Variants in COL5A1 observed in about 807,000 individuals in gnomAD.
COL5A1 encodes collagen type V alpha 1 chain, also known as collagen alpha-1(V) chain.
In COL5A1, 16 loss-of-function variants were observed where a neutral mutation model predicts 263.7. The ratio of observed to expected loss-of-function variants is 0.06; its 90% CI spans 0.04 to 0.09. The LOEUF is 0.09. COL5A1 is among the 10% of genes least tolerant of loss of function. The probability of loss-of-function intolerance (pLI) is 1.00; values close to 1 mark genes in which losing one functional copy is unlikely to be tolerated. For synonymous variants in COL5A1, 1,012 were observed against 1,004.5 expected (o/e 1.01, Z -0.14); for missense variants, 2,036 against 2,540.5 (o/e 0.80, Z 4.27).
intron 19 of COL5A1, among the ~76,000 whole-genome samples, chr9:134,762,695 G>A (rs1431168745): frequency 6.6e-6 from 1 of 152,178 alleles, no homozygotes; most frequent in East Asian, 1.9e-4. Context: ...AAAGCTTTAA[G>A]GAGCTCTGGA....
chr9:134,705,711 G>A (rs1056715964), intron 4 of COL5A1, among the ~76,000 whole-genome samples: 22 of 152,180 alleles, frequency 1.4e-4, no homozygotes, highest in African/African-American at 5.3e-4. Flanking sequence ...GCTGCTCTCT[G>A]GCCCATTGTC....
intron 4 of COL5A1, 106 bp downstream of exon 4, chr9:134,701,439 G>T: frequency 9.3e-7 from 1 of 1,076,210 alleles, no homozygotes; most frequent in Non-Finnish European, 1.4e-6. Flanking sequence ...CCGGCTGGCG[G>T]TCCACTGTGG....
At chr9:134,787,540 C>T (rs1409760609) in intron 31 of COL5A1, among the ~76,000 whole-genome samples, 2 of 152,208 alleles carry the variant, frequency 1.3e-5, no homozygotes, top group Non-Finnish European at 2.9e-5. Flanking sequence ...AGCTGAGCGA[C>T]CTCACTGCGG....
At chr9:134,803,990 C>A (rs1838205045) in intron 39 of COL5A1, among the ~76,000 whole-genome samples, 1 of 152,166 alleles carries the variant, frequency 6.6e-6, no homozygotes, top group Non-Finnish European at 1.5e-5. Flanking sequence ...GGTTCACTGG[C>A]CATAACTTGC....
intron 11 of COL5A1, among the ~76,000 whole-genome samples, chr9:134,740,939 G>A (rs903804912): frequency 2.6e-5 from 4 of 152,164 alleles, no homozygotes; most frequent in African/African-American, 9.7e-5. Context: ...GCCATCCGTG[G>A]AGTCAGAGGA....
At position 134,705,828 on chromosome 9, in the gene COL5A1, A is replaced by G. The variant is rs1027850546; in HGVS notation, c.654+4495A>G. Among the ~76,000 whole-genome samples, 7 of 152,222 alleles carry G rather than the reference A, an allele frequency of 4.6e-5. No homozygotes were observed. In the South Asian group the frequency reaches 1.2e-3, roughly 27 times the overall value. ...CTTTTCTGGACTCCCCTTATGAATT[A>G]GATGCTGTGAGTCCTGCCATAAAGA... On this transcript the variant is annotated intron_variant, in intron 4 of 65. Transcript: ENST00000371817.
rs1832875382 is a variant in COL5A1 at position 134,682,028 on chromosome 9, A to G, written c.110-8884A>G. ...TCCCCGAACCCCTGATCCCCAGCTCATTCTATCAAGTCCACCCTGGTCCCT... is the reference window on the plus strand; with the variant it reads ...TCCCCGAACCCCTGATCCCCAGCTCGTTCTATCAAGTCCACCCTGGTCCCT... On this transcript the variant is annotated intron_variant, in intron 1 of 65. Transcript: ENST00000371817. The surrounding 1 kb of genome is among the most constrained non-coding windows in gnomAD (Gnocchi z 5.1). 6.6e-6 allele frequency among the ~76,000 whole-genome samples: 1 copy of G among 151,368 alleles called. No individual in the cohort carries two copies. The highest frequency in any genetic ancestry group is 1.5e-5 in the Non-Finnish European group (1 of 67,876).
At position 134,844,598 on chromosome 9, in the gene COL5A1, A is replaced by C. The variant is rs1307829756; in HGVS notation, c.*2295A>C. 3 of 152,192 alleles carry C rather than the reference A, an allele frequency of 2.0e-5. No individual in the cohort carries two copies. The highest frequency in any genetic ancestry group is 4.4e-5 in the Non-Finnish European group (3 of 68,040). 9.4% of individuals were successfully genotyped at this position (152,192 alleles called of 1,614,324 possible). A position where few individuals can be genotyped will look rare whatever the true frequency, so the allele number is the denominator to read the frequency against. Reference sequence around the variant, plus strand: ...TCCTCTCAATATATATAATTGGACAAACGCTGGCAAAAAGAAAAAAATGGT... The same window carrying C: ...TCCTCTCAATATATATAATTGGACACACGCTGGCAAAAAGAAAAAAATGGT... On this transcript the variant is annotated 3_prime_UTR_variant, in exon 66 of 66. Transcript: ENST00000371817.
chr9:134,741,446 C>T lies in COL5A1; in HGVS notation c.1494+2638C>T, dbSNP rs972306159. On this transcript the variant is annotated intron_variant, in intron 11 of 65. Transcript: ENST00000371817. The surrounding 1 kb of genome is among the most constrained non-coding windows in gnomAD (Gnocchi z 4.5). The stretch of plus-strand genomic sequence containing the variant: ...CAAGGAAAAGGGGGTTTGGGCTTCG[C>T]GGGGTGACAGATGGTGGGCAAGTGA... Among the ~76,000 whole-genome samples the T allele has an allele frequency of 6.6e-5, 10 of 152,010 alleles. No homozygotes were observed. Among genetic ancestry groups the T allele is most frequent in the African/African-American group, 2.2e-4 (9 of 41,376 alleles).
intron 32 of COL5A1, among the ~76,000 whole-genome samples, chr9:134,790,732 T>C (rs1837661878): frequency 1.3e-5 from 2 of 151,214 alleles, no homozygotes; most frequent in Admixed American, 6.6e-5. Context: ...TCATTCTTCT[T>C]CTGGAGAAGC....
At chr9:134,781,059 G>A (rs974430081) in intron 28 of COL5A1, among the ~76,000 whole-genome samples, 2 of 152,248 alleles carry the variant, frequency 1.3e-5, no homozygotes, top group African/African-American at 4.8e-5. Flanking sequence ...TCCACGTGCC[G>A]AGACTCCTTA....
chr9:134,694,303 C>T (rs181017331), intron 2 of COL5A1, among the ~76,000 whole-genome samples: 22 of 152,360 alleles, frequency 1.4e-4, no homozygotes, highest in Non-Finnish European at 2.1e-4. Flanking sequence ...TGCCCGTCCC[C>T]GCCCAGGCCG....
In COL5A1 at chr9:134,699,910, G is replaced by A. The variant is rs145090868; in HGVS notation, c.279G>A (p.Ala93=). Residue 93 remains alanine, a splice_region_variant and synonymous_variant, in exon 3 of 66, where the codon GCG becomes GCA. Transcript: ENST00000371817. ...TCTCACCTCTGTGCTCTGTTCCAGC[G>A]TCTGCATTTCCCGAGGACTTCTCCA... ...LSAPTKQLYP[A]SAFPEDFSIL... 106 of 1,613,956 alleles carry A rather than the reference G, an allele frequency of 6.6e-5. No individual in the cohort carries two copies. Among genetic ancestry groups the A allele is most frequent in the African/African-American group, 3.3e-4 (25 of 75,060 alleles).
rs778401280 is a variant in COL5A1 at position 134,728,684 on chromosome 9, C to T, written c.801C>T (p.Asp267=). The change falls in exon 6 of 66, where the codon GAC becomes GAT. Residue 267 remains aspartate, a synonymous_variant. Coordinates refer to ENST00000371817, the MANE Select transcript of COL5A1 (RefSeq NM_000093.5). ...TTCGCTTTCAGTACACGGAAGGAGA[C>T]GGCGAGGGTGAGACCTATTACTACG... The part of the protein sequence containing the change: ...PNPDEYYTEG[D]GEGETYYYEY... 27 of 1,614,076 alleles carry T rather than the reference C, an allele frequency of 1.7e-5. No individual in the cohort carries two copies. Among genetic ancestry groups the T allele is most frequent in the African/African-American group, 5.3e-5 (4 of 75,042 alleles).
chr9:134,740,597 A>G (rs1191114714), intron 11 of COL5A1, among the ~76,000 whole-genome samples: 1 of 152,188 alleles, frequency 6.6e-6, no homozygotes, highest in Non-Finnish European at 1.5e-5. Context: ...TCCTCCTTCT[A>G]TCCATCCAGC....
At chr9:134,760,618 C>CGCAT (rs1836356360) in intron 18 of COL5A1, among the ~76,000 whole-genome samples, 1 of 133,484 alleles carries the variant, frequency 7.5e-6, no homozygotes, top group South Asian at 2.6e-4. Flanking sequence ...TGCACACACA[C>CGCAT]ACACCCACAC....
At chr9:134,718,337 C>T (rs1564408818) in intron 4 of COL5A1, among the ~76,000 whole-genome samples, 1 of 152,186 alleles carries the variant, frequency 6.6e-6, no homozygotes, top group Non-Finnish European at 1.5e-5. Flanking sequence ...GCGGAAACTT[C>T]CAGGGCACTT....
chr9:134,837,393 G>T (rs186179783), intron 65 of COL5A1, among the ~76,000 whole-genome samples: 198 of 152,224 alleles, frequency 1.3e-3, no homozygotes, highest in African/African-American at 4.6e-3. Context: ...ACCCTTGGAG[G>T]TTAAAGGGCA....
At chr9:134,796,195 GC>G (rs1245798213) in intron 34 of COL5A1, among the ~76,000 whole-genome samples, 178 bp from the exon 35 acceptor site, 13 of 152,348 alleles carry the variant, frequency 8.5e-5, no homozygotes, top group African/African-American at 3.1e-4. Flanking sequence ...GGACAGGCAG[GC>G]TTTGATAGCC....
Sources: gnomAD v4.1 joint callset for allele counts (sites outside exome capture counted in the v4.1 genomes callset) on GRCh38, gnomAD v4.1.1 for gene constraint, Gnocchi (gnomAD v3.1) non-coding constraint, MANE v1.5 for transcripts, NCBI Gene and HGNC (gene_info 2026-07-23, HGNC 2026-07-21) for gene names.